NRCAM: variants seen among roughly 807,000 people sequenced by gnomAD.
NRCAM encodes the protein neuronal cell adhesion molecule, also known as NgCAM-related cell adhesion molecule.
Under a neutral mutation model 156.5 loss-of-function variants are expected in NRCAM, and 83 were observed. The ratio of observed to expected loss-of-function variants is 0.53; its 90% CI spans 0.44 to 0.64. The LOEUF is 0.64. Ranked by LOEUF, NRCAM falls within the 30% of genes least tolerant of loss-of-function variation. The probability of loss-of-function intolerance (pLI) is 0.00; values close to 1 mark genes in which losing one functional copy is unlikely to be tolerated. For synonymous variants in NRCAM, 538 were observed against 563.9 expected, an observed-to-expected ratio of 0.95 and a Z score of 0.65; for missense variants, 1,417 against 1,597.3, an observed-to-expected ratio of 0.89 and a Z score of 1.92.
At position 108,226,242 on chromosome 7, in the gene NRCAM, C is replaced by T; in HGVS notation, c.687G>A (p.Gln229=). 6.2e-7 allele frequency: 1 copy of T among 1,607,350 alleles called. No individual in the cohort carries two copies. The highest frequency in any genetic ancestry group is 8.5e-7 in the Non-Finnish European group (1 of 1,178,124). Residue 229 remains glutamine, a synonymous_variant, in exon 9 of 33, where the codon CAG becomes CAA. Coordinates refer to ENST00000379028, the MANE Select transcript of NRCAM (RefSeq NM_001037132.4). ...CCTTCACAGAAATAGGTTGCTTCTG[C>T]TGTATGGTTTGAGTATGATTAAATC... ...YARFNHTQTI[Q]QKQPISVKVI... is the part of the protein sequence containing the mutation.
At chr7:108,416,820 G>T (rs1249912168) in intron 1 of NRCAM, among the ~76,000 whole-genome samples, 1 of 152,164 alleles carries the variant, frequency 6.6e-6, no homozygotes, top group African/African-American at 2.4e-5. Context: ...CATAATTAAG[G>T]GAGGTTCCTC....
At chr7:108,438,078 T>A (rs6954998) in intron 1 of NRCAM, among the ~76,000 whole-genome samples, 1 of 151,274 alleles carries the variant, frequency 6.6e-6, no homozygotes, top group Non-Finnish European at 1.5e-5. Flanking sequence ...AAAATATTCC[T>A]AAAAGAAAAA....
At chr7:108,156,926 T>G (rs2151202409) in intron 32 of NRCAM, among the ~76,000 whole-genome samples, 1 of 152,148 alleles carries the variant, frequency 6.6e-6, no homozygotes, top group Middle Eastern at 3.4e-3. Flanking sequence ...TAATAAACAC[T>G]TTTTGGATTT....
At chr7:108,312,868 T>C (rs997725775) in intron 2 of NRCAM, 137 bp from the exon 3 acceptor site, 1 of 152,110 alleles carries the variant, frequency 6.6e-6, no homozygotes, top group African/African-American at 2.4e-5. Context: ...GGAAGACAAA[T>C]CATGACTAGA....
chr7:108,159,386 T>C lies in NRCAM; in HGVS notation c.3677+77A>G, dbSNP rs111984732. ...AAAATATGAGATGCCAGGCAGAGCA[T>C]ATTCTGGCTGAGTTCTATTCTCGGG... On this transcript the variant is annotated intron_variant, in intron 32 of 32. Coordinates refer to ENST00000379028, the MANE Select transcript of NRCAM (RefSeq NM_001037132.4). 3.0e-4 allele frequency: 370 copies of C among 1,246,796 alleles called. 4 individuals carry two copies. The African/African-American group carries it at 4.7e-3, about 16-fold the overall frequency. 77.2% of individuals were successfully genotyped at this position (1,246,796 alleles called of 1,614,324 possible). A position where few individuals can be genotyped will look rare whatever the true frequency, so the allele number is the denominator to read the frequency against.
intron 13 of NRCAM, among the ~76,000 whole-genome samples, chr7:108,206,588 G>A (rs2153564333): frequency 6.6e-6 from 1 of 152,330 alleles, no homozygotes; most frequent in East Asian, 1.9e-4. Context: ...CCTCTCGGCA[G>A]TAGCTGGTGG....
At chr7:108,319,001 T>C (rs568000929) in intron 2 of NRCAM, among the ~76,000 whole-genome samples, 56 of 152,326 alleles carry the variant, frequency 3.7e-4, no homozygotes, top group Non-Finnish European at 6.2e-4. Context: ...TGAAGAGTCA[T>C]TGTTTAATGG....
At chr7:108,206,734 C>T (rs2081353659) in intron 13 of NRCAM, among the ~76,000 whole-genome samples, 1 of 152,172 alleles carries the variant, frequency 6.6e-6, no homozygotes, top group Non-Finnish European at 1.5e-5. Context: ...CTCCCCAAGC[C>T]TTTAGCCAAG....
chr7:108,171,006 T>A (rs1471094325), intron 28 of NRCAM, among the ~76,000 whole-genome samples: 2 of 152,210 alleles, frequency 1.3e-5, no homozygotes, highest in Non-Finnish European at 2.9e-5. Flanking sequence ...TAGCTTATTC[T>A]TAAAGATACC....
intron 2 of NRCAM, among the ~76,000 whole-genome samples, chr7:108,346,791 T>C (rs144158951): frequency 2.4e-4 from 36 of 152,270 alleles, no homozygotes; most frequent in African/African-American, 8.4e-4. Context: ...CCGTGAAATG[T>C]GGCTGGTCTG....
chr7:108,197,230 T>C (rs2075626492), intron 14 of NRCAM, among the ~76,000 whole-genome samples: 2 of 152,186 alleles, frequency 1.3e-5, no homozygotes, highest in African/African-American at 2.4e-5. Flanking sequence ...CATCCACCAA[T>C]ATCTTAACTG....
intron 3 of NRCAM, among the ~76,000 whole-genome samples, chr7:108,305,051 TATCAACAACC>T (rs769518747): frequency 2.6e-5 from 4 of 152,178 alleles, no homozygotes; most frequent in Non-Finnish European, 5.9e-5. Context: ...CTGTCTGGGT[TATCAACAACC>T]ATCAATGAGA....
At chr7:108,278,900 G>A (rs1326410690) in intron 3 of NRCAM, among the ~76,000 whole-genome samples, 1 of 152,138 alleles carries the variant, frequency 6.6e-6, no homozygotes, top group Non-Finnish European at 1.5e-5. Flanking sequence ...TCTTGGAAGC[G>A]ACTCCAATAA....
chr7:108,344,940 G>C (rs75419442), intron 2 of NRCAM, among the ~76,000 whole-genome samples: 4 of 152,258 alleles, frequency 2.6e-5, no homozygotes, highest in African/African-American at 9.6e-5. Context: ...AAGGATAAGG[G>C]GGAGGGAGAA....
At chr7:108,324,877 C>CATTTTTTTTTTTTTTTTT (rs201240389) in intron 2 of NRCAM, among the ~76,000 whole-genome samples, 4 of 82,686 alleles carry the variant, frequency 4.8e-5, no homozygotes, top group Non-Finnish European at 2.3e-5. Flanking sequence ...TGGCACTGTA[C>CATTTTTTTTTTTTTTTTT]TTTTTTTTTT....
At chr7:108,215,235 T>C (rs199693174) in intron 11 of NRCAM, among the ~76,000 whole-genome samples, 1 of 137,582 alleles carries the variant, frequency 7.3e-6, no homozygotes, top group Non-Finnish European at 1.6e-5. Flanking sequence ...TTTTTTGAGA[T>C]GGAGTCTTGC....
chr7:108,218,116 C>T (rs184552653), intron 11 of NRCAM, among the ~76,000 whole-genome samples: 3 of 150,262 alleles, frequency 2.0e-5, no homozygotes, highest in Non-Finnish European at 4.4e-5. Context: ...CTATCTGGGC[C>T]GGAATGCACT....
chr7:108,335,433 G>GCTTTT (rs2099170378), intron 2 of NRCAM, among the ~76,000 whole-genome samples: 2 of 62,702 alleles, frequency 3.2e-5, no homozygotes, highest in Admixed American at 2.1e-4. Context: ...TGTTCCACCT[G>GCTTTT]CTTTTTTTTT....
intron 11 of NRCAM, among the ~76,000 whole-genome samples, chr7:108,214,609 C>A (rs2086818301): frequency 6.6e-6 from 1 of 152,018 alleles, no homozygotes; most frequent in South Asian, 2.1e-4. Flanking sequence ...GCCTTTAGTT[C>A]TGCTCTGATC....
Sources: allele counts gnomAD v4.1 joint callset (sites outside exome capture counted in the v4.1 genomes callset), GRCh38; gene constraint gnomAD v4.1.1; transcripts MANE v1.5; gene names NCBI Gene and HGNC (gene_info 2026-07-23, HGNC 2026-07-21).